The following LPA variants were observed in gnomAD, a reference collection of about 807,000 sequenced individuals.
LPA encodes lipoprotein(a).
A neutral mutation model predicts 197.9 loss-of-function variants in LPA; 199 were observed. The observed-to-expected ratio is 1.01, with a 90% confidence interval of 0.90 to 1.13. The LOEUF is 1.13. Ranked by LOEUF, LPA falls within the 50% of genes most tolerant of loss-of-function variation. LPA has a pLI of 0.00. For missense variants in LPA, 1,853 were observed against 1,785.8 expected (o/e 1.04, Z -0.68); for synonymous variants, 715 against 639.5 (o/e 1.12, Z -1.78).
intron 1 of LPA, among the ~76,000 whole-genome samples, chr6:160,652,467 G>A (rs983102093): frequency 6.6e-6 from 1 of 151,972 alleles, no homozygotes; most frequent in African/African-American, 2.4e-5. Flanking sequence ...AAAACTGAAG[G>A]CAAAATAAAG....
At chr6:160,650,796 C>A (rs1232667424) in intron 1 of LPA, among the ~76,000 whole-genome samples, 1 of 152,176 alleles carries the variant, frequency 6.6e-6, no homozygotes, top group Non-Finnish European at 1.5e-5. Context: ...TCTTAATGTT[C>A]ATGAGGACCA....
intron 2 of LPA, 56 bp downstream of exon 2, chr6:160,650,282 T>C: frequency 1.3e-6 from 2 of 1,594,534 alleles, no homozygotes; most frequent in Non-Finnish European, 1.7e-6. Context: ...GCACACCTTT[T>C]CTAAGACAAA....
At chr6:160,555,291 G>A (rs867704286) in intron 30 of LPA, among the ~76,000 whole-genome samples, 174 of 68,418 alleles carry the variant, frequency 2.5e-3, no homozygotes, top group African/African-American at 9.9e-3. Flanking sequence ...TATATTATAT[G>A]TTAGTGTGTG....
At chr6:160,545,407 G>A (rs1432869422) in intron 33 of LPA, 33 bp downstream of exon 33, 1 of 1,349,636 alleles carries the variant, frequency 7.4e-7, no homozygotes, top group Non-Finnish European at 1.1e-6. Context: ...TATTAAGGAA[G>A]CAGTTTCCTT....
At chr6:160,654,735 T>C (rs1780102019) in intron 1 of LPA, among the ~76,000 whole-genome samples, 2 of 152,186 alleles carry the variant, frequency 1.3e-5, no homozygotes, top group Admixed American at 6.5e-5. Flanking sequence ...GTGAAGTCCA[T>C]AAATCTAAGG....
chr6:160,576,241 T>A (rs1260949344), intron 28 of LPA, among the ~76,000 whole-genome samples: 3 of 150,260 alleles, frequency 2.0e-5, no homozygotes, highest in Non-Finnish European at 1.5e-5. Context: ...GCCTTCCTGC[T>A]TTTGCTCTTC....
intron 17 of LPA, 102 bp downstream of exon 17, chr6:160,606,375 C>G (rs1401443615): frequency 6.7e-6 from 10 of 1,498,388 alleles, no homozygotes; most frequent in African/African-American, 5.5e-5. Flanking sequence ...AGTCAACACT[C>G]GAGCATCCGT....
intron 21 of LPA, among the ~76,000 whole-genome samples, chr6:160,594,707 G>C (rs532987896): frequency 6.6e-6 from 1 of 152,306 alleles, no homozygotes; most frequent in African/African-American, 2.4e-5. Context: ...CAACAAAGTA[G>C]ATATCCACTA....
chr6:160,572,862 A>G (rs1341090441), intron 28 of LPA, among the ~76,000 whole-genome samples: 1 of 152,176 alleles, frequency 6.6e-6, no homozygotes, highest in Non-Finnish European at 1.5e-5. Flanking sequence ...TTAACTTTGC[A>G]TAACCTGATG....
intron 2 of LPA, among the ~76,000 whole-genome samples, chr6:160,648,156 T>C (rs554404981): frequency 6.6e-6 from 1 of 152,330 alleles, no homozygotes; most frequent in African/African-American, 2.4e-5. Context: ...TTTAATGTTA[T>C]TCTTTTGTGT....
intron 31 of LPA, 61 bp downstream of exon 31, chr6:160,548,417 T>C (rs1778110460): frequency 6.4e-7 from 1 of 1,555,490 alleles, no homozygotes; most frequent in Non-Finnish European, 8.8e-7. Context: ...TGTCTTTTCA[T>C]CCCGTTGTCC....
intron 2 of LPA, among the ~76,000 whole-genome samples, chr6:160,647,419 G>A (rs546339156): frequency 1.3e-5 from 2 of 152,228 alleles, no homozygotes; most frequent in South Asian, 4.1e-4. Context: ...AATGTATTAT[G>A]GGCCATGGGG....
chr6:160,609,388 C>T (rs1022687445), intron 16 of LPA, among the ~76,000 whole-genome samples: 4 of 152,022 alleles, frequency 2.6e-5, no homozygotes, highest in Admixed American at 6.6e-5. Context: ...CTGAGGTGAA[C>T]GCATTAGCAA....
rs550528154 is a variant in LPA at position 160,605,356 on chromosome 6, C to T, written c.2786-151G>A. Reference sequence around the variant, plus strand: ...ACATTCTTGTTTCTTTATTTGTAGGCAGATGGACTTGAGAAAAGCAACAAC... The same window carrying T: ...ACATTCTTGTTTCTTTATTTGTAGGTAGATGGACTTGAGAAAAGCAACAAC... On this transcript the variant is annotated intron_variant, in intron 17 of 38. Transcript: ENST00000316300. The T allele has an allele frequency of 1.4e-4, 143 of 996,080 alleles. No homozygotes were observed. The South Asian group carries it at 1.6e-3, about 11-fold the overall frequency. The allele number at this position is 996,080 out of a possible 1,614,324, so 61.7% of individuals were successfully genotyped here. A position where few individuals can be genotyped will look rare whatever the true frequency, so the allele number is the denominator to read the frequency against.
At chr6:160,609,708 A>G (rs1215613837) in intron 16 of LPA, among the ~76,000 whole-genome samples, 2 of 151,854 alleles carry the variant, frequency 1.3e-5, no homozygotes, top group East Asian at 1.9e-4. Flanking sequence ...ATTTTCCTGC[A>G]TGTCTCTGAG....
chr6:160,550,376 T>C (rs1166670244), intron 30 of LPA, among the ~76,000 whole-genome samples: 3 of 152,198 alleles, frequency 2.0e-5, no homozygotes, highest in Non-Finnish European at 4.4e-5. Context: ...AAATGTATTA[T>C]GTACCGTGGG....
chr6:160,600,256 C>A (rs1407434557), intron 19 of LPA, among the ~76,000 whole-genome samples: 1 of 152,170 alleles, frequency 6.6e-6, no homozygotes, highest in Non-Finnish European at 1.5e-5. Context: ...TCGTGCCCAG[C>A]ATAATGCATT....
Position 160,654,060 on chromosome 6 carries a change from A to AT in LPA, c.50-3564dup, listed in dbSNP as rs1780080283. Among the ~76,000 whole-genome samples the AT allele has an allele frequency of 3.3e-4, 4 of 12,226 alleles. 1 individual carries two copies. The Admixed American group carries it at 6.8e-3, about 21-fold the overall frequency. 8.0% of individuals were successfully genotyped at this position (12,226 alleles called of 152,430 possible). ...TTATATATAATATATAATATATTAT[A>AT]TATATTATATATAATATATATTATA... On this transcript the variant is annotated intron_variant, in intron 1 of 38. Transcript: ENST00000316300.
chr6:160,611,713 C>A lies in LPA; in HGVS notation c.2452G>T (p.Glu818Ter). The change falls in exon 16 of 39, where the codon GAG (glutamate) becomes TAG (stop). Residue 818 changes from glutamate (E) to a stop codon, truncating the protein, a stop_gained. Coordinates refer to ENST00000316300, the MANE Select transcript of LPA (RefSeq NM_005577.4). LOFTEE classifies it high-confidence loss of function. ...CACTCCTGCACCCCAGGCCTCTGCT[C>A]AGTCGGTGCTGAAATGAAAACACAA... ...LEAPSEQAPT[E>*]QRPGVQECYH... is the part of the protein sequence containing the mutation. 1 of 1,514,462 alleles carries A rather than the reference C, an allele frequency of 6.6e-7. No individual in the cohort carries two copies. The highest frequency in any genetic ancestry group is 9.0e-7 in the Non-Finnish European group (1 of 1,111,136). 93.8% of individuals were successfully genotyped at this position (1,514,462 alleles called of 1,614,324 possible).
Sources: allele counts gnomAD v4.1 joint callset (sites outside exome capture counted in the v4.1 genomes callset), GRCh38; gene constraint gnomAD v4.1.1; transcripts MANE v1.5; gene names NCBI Gene and HGNC (gene_info 2026-07-23, HGNC 2026-07-21).